MTM1: variants seen among roughly 807,000 people sequenced by gnomAD.
MTM1 encodes the protein myotubularin.
Under a neutral mutation model 52.1 loss-of-function variants are expected in MTM1, and 9 were observed. That is an observed-to-expected ratio of 0.17 (90% CI 0.10 to 0.30). The LOEUF is 0.30. Ranked by LOEUF, MTM1 falls within the 10% of genes least tolerant of loss-of-function variation. MTM1 has a pLI of 1.00. For missense variants in MTM1, 277 were observed against 470.7 expected, an observed-to-expected ratio of 0.59 and a Z score of 3.81; for synonymous variants, 136 against 163.8, an observed-to-expected ratio of 0.83 and a Z score of 1.29.
intron 1 of MTM1, among the ~76,000 whole-genome samples, chrX:150,581,185 TAAGATATGGTTA>T (rs2038577513): frequency 8.9e-6 from 1 of 111,883 alleles, no homozygotes; most frequent in Non-Finnish European, 1.9e-5. Context: ...GTTTAAAAAT[TAAGATATGGTTA>T]AAGTTCATGA....
chrX:150,564,380 TTTA>T (rs1175557401), upstream of MTM1, among the ~76,000 whole-genome samples: 1 of 110,831 alleles, frequency 9.0e-6, no homozygotes, highest in Non-Finnish European at 1.9e-5. Context: ...TTTACTATTT[TTTA>T]TTATTATTAT....
chrX:150,617,292 G>A (rs1202489740), intron 5 of MTM1, among the ~76,000 whole-genome samples: 2 of 112,133 alleles, frequency 1.8e-5, no homozygotes, highest in Non-Finnish European at 3.8e-5. Flanking sequence ...CATCTGACTT[G>A]CGGCTGTTAG....
intron 4 of MTM1, among the ~76,000 whole-genome samples, chrX:150,611,920 TGTG>T (rs1309595610): frequency 5.3e-5 from 6 of 112,436 alleles, no homozygotes; most frequent in African/African-American, 1.9e-4. Flanking sequence ...CTCAGCCAAG[TGTG>T]GTGGCCCACG....
chrX:150,563,305 CTTTTTTTTTTTTT>C, the MTM1 span, among the ~76,000 whole-genome samples: 4 of 34,503 alleles, frequency 1.2e-4, no homozygotes, highest in African/African-American at 4.6e-4. Context: ...TAAATCTCAG[CTTTTTTTTTTTTT>C]TTTTTTTTTT....
rs1196940940 is a variant in MTM1 at position 150,641,376 on chromosome X, C to T, written c.636C>T (p.Asp212=). 1.7e-6 allele frequency: 2 copies of T among 1,209,715 alleles called. No homozygotes were observed. The highest frequency in any genetic ancestry group is 3.5e-5 in the African/African-American group (2 of 57,048). ...LVVPYRASDD[D]LRRVATFRSR... is the part of the protein sequence containing the mutation. Reference sequence around the variant, plus strand: ...TTCCGTATCGTGCCTCAGATGATGACCTCCGGAGAGTTGCAACTTTTAGGT... The same window carrying T: ...TTCCGTATCGTGCCTCAGATGATGATCTCCGGAGAGTTGCAACTTTTAGGT... The change falls in exon 8 of 15, where the codon GAC becomes GAT. Residue 212 remains aspartate (D), a synonymous_variant. Transcript: ENST00000370396.
In MTM1 at chrX:150,672,947, T is replaced by C. The variant is rs992143849; in HGVS notation, c.*1352T>C. ...ACAGTAGTATAATGTATGAATTTTG[T>C]AAGTATAAGAAATTTTATTAGACAT... On this transcript the variant is annotated 3_prime_UTR_variant, in exon 15 of 15. Coordinates refer to ENST00000370396, the MANE Select transcript of MTM1 (RefSeq NM_000252.3). The C allele has an allele frequency of 8.9e-6, 1 of 112,568 alleles. No individual in the cohort carries two copies. The highest frequency in any genetic ancestry group is 3.2e-5 in the African/African-American group (1 of 30,985). The allele number at this position is 112,568 out of a possible 1,213,427, so 9.3% of individuals were successfully genotyped here.
chrX:150,659,298 C>T (rs1400817043), intron 11 of MTM1, among the ~76,000 whole-genome samples: 4 of 111,890 alleles, frequency 3.6e-5, no homozygotes, highest in African/African-American at 9.8e-5. Context: ...TTGTTTTCTT[C>T]GCGACTGAAA....
rs190479754 is a variant in MTM1 at position 150,624,296 on chromosome X, C to G, written c.444+5157C>G. 7.9e-4 allele frequency among the ~76,000 whole-genome samples: 89 copies of G among 112,152 alleles called. 1 individual carries two copies. The highest frequency in any genetic ancestry group is 1.6e-3 in the Non-Finnish European group (83 of 53,288). On this transcript the variant is annotated intron_variant, in intron 6 of 14. Coordinates refer to ENST00000370396, the MANE Select transcript of MTM1 (RefSeq NM_000252.3). The stretch of plus-strand genomic sequence containing the variant: ...ATCTATTTGCTTTGCTTTTCAAACA[C>G]TAGAAATTGTACTGAATTCTCATAA...
At chrX:150,617,653 T>A (rs1438781779) in intron 5 of MTM1, among the ~76,000 whole-genome samples, 1 of 112,091 alleles carries the variant, frequency 8.9e-6, no homozygotes, top group African/African-American at 3.2e-5. Flanking sequence ...TATTTGTGTT[T>A]GAGATGTCTT....
At chrX:150,583,019 AATACATATTTATATATT>A (rs1422360277) in intron 1 of MTM1, among the ~76,000 whole-genome samples, 2 of 93,430 alleles carry the variant, frequency 2.1e-5, no homozygotes, top group African/African-American at 7.9e-5. Flanking sequence ...TATAAATATA[AATACATATTTATATATT>A]TAAATATAAT....
intron 6 of MTM1, among the ~76,000 whole-genome samples, chrX:150,623,194 G>A (rs781909443): frequency 1.0e-3 from 112 of 110,996 alleles, no homozygotes; most frequent in African/African-American, 2.8e-3. Context: ...GCCAGAAAAC[G>A]GAATGGTTAC....
chrX:150,639,643 G>A (rs1035671626), intron 7 of MTM1, among the ~76,000 whole-genome samples: 1 of 112,049 alleles, frequency 8.9e-6, no homozygotes, highest in African/African-American at 3.2e-5. Flanking sequence ...CAGTATTTTT[G>A]TTAAGGGAAT....
chrX:150,604,350 T>G (rs1208583351), intron 4 of MTM1, among the ~76,000 whole-genome samples: 2 of 111,554 alleles, frequency 1.8e-5, no homozygotes, highest in Non-Finnish European at 3.8e-5. Context: ...TGACAACAGC[T>G]GACAGATAGG....
At chrX:150,665,371 A>C (rs934166042) in intron 14 of MTM1, among the ~76,000 whole-genome samples, 9 of 112,457 alleles carry the variant, frequency 8.0e-5, no homozygotes, top group African/African-American at 1.3e-4. Flanking sequence ...AACATAAGCC[A>C]ATGGTTATAA....
intron 9 of MTM1, among the ~76,000 whole-genome samples, chrX:150,648,834 G>A (rs1557414095): frequency 8.9e-6 from 1 of 112,730 alleles, no homozygotes; most frequent in African/African-American, 3.2e-5. Flanking sequence ...TCTCATTGGT[G>A]TTTGCATAGC....
chrX:150,604,359 G>A (rs1218426430), intron 4 of MTM1, among the ~76,000 whole-genome samples: 6 of 111,527 alleles, frequency 5.4e-5, no homozygotes, highest in Middle Eastern at 4.6e-3. Context: ...CTGACAGATA[G>A]GCAAAGCAGA....
At chrX:150,573,762 A>G (rs182866476) in intron 1 of MTM1, among the ~76,000 whole-genome samples, 1 of 112,019 alleles carries the variant, frequency 8.9e-6, no homozygotes, top group East Asian at 2.8e-4. Flanking sequence ...ATTTAGGAGA[A>G]TAGGTACTAT....
Position 150,576,863 on chromosome X carries a change from CAT to C in MTM1, c.-11+8203_-11+8204del, listed in dbSNP as rs1210250666. 3.6e-5 allele frequency among the ~76,000 whole-genome samples: 4 copies of C among 112,167 alleles called. No individual in the cohort carries two copies. In the East Asian group the frequency reaches 8.3e-4, roughly 23 times the overall value. ...ATTCTGCTGTTTGGATGTTTCAAAACATAGTATTTTCATGATTATTTAGTTGT... is the reference window on the plus strand; with the variant it reads ...ATTCTGCTGTTTGGATGTTTCAAAACAGTATTTTCATGATTATTTAGTTGT... On this transcript the variant is annotated intron_variant, in intron 1 of 14. Coordinates refer to ENST00000370396, the MANE Select transcript of MTM1 (RefSeq NM_000252.3).
intron 1 of MTM1, among the ~76,000 whole-genome samples, chrX:150,590,520 G>GTGA (rs1331918068): frequency 6.3e-5 from 7 of 111,501 alleles, no homozygotes; most frequent in African/African-American, 2.3e-4. Flanking sequence ...ATTGATTGTG[G>GTGA]TGATGGGTGG....
Sources: gnomAD v4.1 joint callset for allele counts (sites outside exome capture counted in the v4.1 genomes callset) on GRCh38, gnomAD v4.1.1 for gene constraint, MANE v1.5 for transcripts, NCBI Gene and HGNC (gene_info 2026-07-23, HGNC 2026-07-21) for gene names.